Variants in GOSR2 observed in about 807,000 individuals in gnomAD.
The protein encoded by GOSR2 is 27 kDa Golgi SNARE protein.
In GOSR2, 20 loss-of-function variants were observed where a neutral mutation model predicts 27.9. The ratio of observed to expected loss-of-function variants is 0.72; its 90% CI spans 0.50 to 1.04. GOSR2 has a LOEUF of 1.04. Ranked by LOEUF, GOSR2 falls within the 50% of genes least tolerant of loss-of-function variation. The pLI is 0.00. For missense variants in GOSR2, 261 were observed against 270.5 expected, an observed-to-expected ratio of 0.97 and a Z score of 0.25; for synonymous variants, 91 against 98.8, an observed-to-expected ratio of 0.92 and a Z score of 0.47.
intron 1 of GOSR2, among the ~76,000 whole-genome samples, chr17:46,924,039 T>G (rs1448010709): frequency 2.0e-5 from 3 of 152,234 alleles, no homozygotes; most frequent in Non-Finnish European, 4.4e-5. Context: ...TCAGTGACAT[T>G]GAGTACATTC....
At chr17:46,945,786 A>C (rs1019971637), downstream of GOSR2, among the ~76,000 whole-genome samples, 1 of 152,108 alleles carries the variant, frequency 6.6e-6, no homozygotes, top group Non-Finnish European at 1.5e-5. Flanking sequence ...GGACCTCTAT[A>C]GGAGGGGAGA....
chr17:46,935,432 CAT>C, intron 5 of GOSR2: 1 of 1,418,638 alleles, frequency 7.0e-7, no homozygotes, highest in Non-Finnish European at 9.2e-7. Context: ...CTGAACTTAT[CAT>C]GAAAGTGAGT....
At chr17:46,961,984 A>C (rs531107347) in intron 6 of GOSR2, among the ~76,000 whole-genome samples, 1 of 152,256 alleles carries the variant, frequency 6.6e-6, no homozygotes, top group South Asian at 2.1e-4. Context: ...AAATCCAAAA[A>C]CATGATATTT....
Position 46,939,326 on chromosome 17 carries a change from A to G in GOSR2, c.*566A>G. ...ATACTTGTCACCATTCCCTGGAAGC[A>G]GCTACCTAGGGGAAACAAGATGTAG... On this transcript the variant is annotated 3_prime_UTR_variant, in exon 6 of 6. Coordinates refer to ENST00000640051, the MANE Select transcript of GOSR2 (RefSeq NM_004287.5). 1 of 1,012,686 alleles carries G rather than the reference A, an allele frequency of 9.9e-7. No homozygotes were observed. Among genetic ancestry groups the G allele is most frequent in the Non-Finnish European group, 1.2e-6 (1 of 844,012 alleles). The allele number at this position is 1,012,686 out of a possible 1,614,324, so 62.7% of individuals were successfully genotyped here.
chr17:46,972,353 A>G (rs369616366), intron 6 of GOSR2, among the ~76,000 whole-genome samples: 2 of 151,838 alleles, frequency 1.3e-5, no homozygotes, highest in South Asian at 4.1e-4. Flanking sequence ...TTTCTAGTCC[A>G]GCTATAGTGG....
intron 4 of GOSR2, chr17:46,932,640 C>T: frequency 3.4e-6 from 1 of 294,832 alleles, no homozygotes; most frequent in Non-Finnish European, 6.4e-6. Context: ...GATGTTTTTG[C>T]CCCTAGTCTG....
At chr17:46,929,621 T>G (rs757002141) in intron 2 of GOSR2, 37 bp downstream of exon 2, 2 of 1,025,102 alleles carry the variant, frequency 2.0e-6, no homozygotes, top group South Asian at 2.5e-5. Context: ...GTCCTTTCTC[T>G]GATGACAGGG....
chr17:46,929,362 CA>C (rs1265477474), intron 1 of GOSR2, among the ~76,000 whole-genome samples, 157 bp from the exon 2 acceptor site: 3 of 152,146 alleles, frequency 2.0e-5, no homozygotes, highest in African/African-American at 7.2e-5. Flanking sequence ...GAAACCATGC[CA>C]AAACGTGGGA....
intron 1 of GOSR2, among the ~76,000 whole-genome samples, chr17:46,926,035 G>A (rs1364919292): frequency 6.6e-6 from 1 of 152,162 alleles, no homozygotes; most frequent in Non-Finnish European, 1.5e-5. Context: ...CGTATGTCCA[G>A]GACACAAGAA....
chr17:46,936,923 A>C, intron 5 of GOSR2: 14 of 560,152 alleles, frequency 2.5e-5, no homozygotes, highest in Non-Finnish European at 3.2e-5. Flanking sequence ...TGTTGATCTC[A>C]CTTTCCTTGT....
chr17:46,960,025 C>T (rs2090962732), intron 6 of GOSR2, among the ~76,000 whole-genome samples: 1 of 152,188 alleles, frequency 6.6e-6, no homozygotes, highest in South Asian at 2.1e-4. Context: ...GCCAGGACAT[C>T]CAAAAGTTGT....
intron 1 of GOSR2, among the ~76,000 whole-genome samples, chr17:46,925,780 G>A (rs919715862): frequency 1.3e-5 from 2 of 152,126 alleles, no homozygotes; most frequent in Non-Finnish European, 2.9e-5. Flanking sequence ...AATACATTGA[G>A]TACATTGGAA....
chr17:46,965,469 A>G (rs2091273674), intron 6 of GOSR2, among the ~76,000 whole-genome samples: 1 of 152,152 alleles, frequency 6.6e-6, no homozygotes, highest in South Asian at 2.1e-4. Context: ...ACCCTGGAGC[A>G]GTTCCCAGCT....
intron 6 of GOSR2, among the ~76,000 whole-genome samples, chr17:46,953,204 C>A (rs568662578): frequency 2.0e-5 from 3 of 152,134 alleles, no homozygotes; most frequent in African/African-American, 7.2e-5. Flanking sequence ...CCACTCCCCC[C>A]ACCCCACAAC....
chr17:46,937,800 T>C (rs1055433432), intron 5 of GOSR2: 3 of 152,302 alleles, frequency 2.0e-5, no homozygotes, highest in African/African-American at 7.2e-5. Context: ...CAGTATTCCA[T>C]TGGTACAGGT....
chr17:46,960,909 C>T (rs1221969637), intron 6 of GOSR2, among the ~76,000 whole-genome samples: 1 of 152,100 alleles, frequency 6.6e-6, no homozygotes, highest in Non-Finnish European at 1.5e-5. Context: ...CGATTGTGTT[C>T]ATGATGACAC....
At chr17:46,942,640 G>C (rs898373103), downstream of GOSR2, among the ~76,000 whole-genome samples, 2 of 152,222 alleles carry the variant, frequency 1.3e-5, no homozygotes, top group African/African-American at 4.8e-5. Context: ...TTCCCTGTTG[G>C]GAAATAATTT....
At chr17:46,932,357 A>G in intron 4 of GOSR2, 158 bp downstream of exon 4, 3 of 776,950 alleles carry the variant, frequency 3.9e-6, no homozygotes, top group Non-Finnish European at 6.5e-6. Context: ...TGCCACAGAG[A>G]CTAGACCTAG....
intron 6 of GOSR2, among the ~76,000 whole-genome samples, chr17:46,959,696 C>T (rs1055402747): frequency 6.6e-6 from 1 of 152,170 alleles, no homozygotes; most frequent in Non-Finnish European, 1.5e-5. Flanking sequence ...TAAGGTAGGA[C>T]ATTTCTTGAG....
Sources: allele counts gnomAD v4.1 joint callset (sites outside exome capture counted in the v4.1 genomes callset), GRCh38; gene constraint gnomAD v4.1.1; transcripts MANE v1.5; gene names NCBI Gene and HGNC (gene_info 2026-07-23, HGNC 2026-07-21).